Variants in SATL1 observed in about 807,000 individuals in gnomAD.
SATL1 encodes the protein spermidine/spermine N1-acetyl transferase like 1, also known as spermidine/spermine N(1)-acetyltransferase-like protein 1.
A neutral mutation model predicts 51.8 loss-of-function variants in SATL1; 47 were observed. The ratio of observed to expected loss-of-function variants is 0.91; its 90% CI spans 0.72 to 1.16. The LOEUF is 1.16. Among genes scored for constraint, SATL1 ranks in the 50% most tolerant of loss-of-function variants. The pLI, the probability that SATL1 is intolerant of heterozygous loss-of-function variation, is 0.00. For synonymous variants in SATL1, 176 were observed against 182.4 expected, an observed-to-expected ratio of 0.97 and a Z score of 0.28; for missense variants, 520 against 526.4, an observed-to-expected ratio of 0.99 and a Z score of 0.12.
intron 2 of SATL1, among the ~76,000 whole-genome samples, chrX:85,178,624 A>C (rs1248451559): frequency 9.5e-6 from 1 of 105,678 alleles, no homozygotes; most frequent in African/African-American, 3.7e-5. Flanking sequence ...AAAAAAAAAA[A>C]CAAAAACAAA....
rs780420487 is a variant in SATL1 at position 85,102,054 on chromosome X, TA to T, written c.1693+1809del. On this transcript the variant is annotated intron_variant, in intron 4 of 7. Coordinates refer to ENST00000644105, the MANE Select transcript of SATL1 (RefSeq NM_001367857.2). The stretch of plus-strand genomic sequence containing the variant: ...CAATGGGGATTTATTTTTTTTAATT[TA>T]TTTTTTTAATTTTTAAATTTTATTT... 2.6e-3 allele frequency among the ~76,000 whole-genome samples: 252 copies of T among 98,689 alleles called. 1 individual carries two copies. The highest frequency in any genetic ancestry group is 8.8e-3 in the African/African-American group (244 of 27,747). The allele number at this position is 98,689 out of a possible 115,157, so 85.7% of individuals were successfully genotyped here. A position where few individuals can be genotyped will look rare whatever the true frequency, so the allele number is the denominator to read the frequency against.
intron 4 of SATL1, among the ~76,000 whole-genome samples, chrX:85,102,590 C>T (rs58900414): frequency 0.044 from 4,929 of 111,029 alleles, 243 homozygotes; most frequent in African/African-American, 0.14. Flanking sequence ...GAAATTACTG[C>T]AATTTAAATA....
At chrX:85,223,683 G>C (rs756536710) in intron 2 of SATL1, among the ~76,000 whole-genome samples, 1 of 111,080 alleles carries the variant, frequency 9.0e-6, no homozygotes, top group Non-Finnish European at 1.9e-5. Flanking sequence ...GGCCACAAAA[G>C]GTTGCTATGT....
At chrX:85,219,597 T>A (rs1247380018) in intron 2 of SATL1, 1 of 112,305 alleles carries the variant, frequency 8.9e-6, no homozygotes, top group Non-Finnish European at 1.9e-5. Flanking sequence ...TGGCTAAAGC[T>A]AAGGAGTTAC....
At chrX:85,136,181 T>C (rs1423210572) in intron 2 of SATL1, among the ~76,000 whole-genome samples, 1 of 109,816 alleles carries the variant, frequency 9.1e-6, no homozygotes, top group East Asian at 2.9e-4. Context: ...GGAGAAAGAA[T>C]AGATAGGGAG....
intron 2 of SATL1, among the ~76,000 whole-genome samples, chrX:85,114,054 C>T (rs928935455): frequency 8.9e-6 from 1 of 111,889 alleles, no homozygotes; most frequent in African/African-American, 3.3e-5. Flanking sequence ...CTGTTCCAGT[C>T]AAAGATTTGG....
chrX:85,218,220 C>T (rs771251068), intron 2 of SATL1, among the ~76,000 whole-genome samples: 8 of 110,450 alleles, frequency 7.2e-5, no homozygotes, highest in Admixed American at 1.9e-4. Flanking sequence ...CGCTGTAACA[C>T]ACAGTTTACC....
intron 2 of SATL1, among the ~76,000 whole-genome samples, chrX:85,158,785 G>T (rs1049782117): frequency 1.8e-5 from 2 of 111,256 alleles, no homozygotes; most frequent in African/African-American, 6.5e-5. Context: ...GAAGAACACT[G>T]AATAATAATC....
chrX:85,205,567 G>T (rs1927776529), intron 2 of SATL1, among the ~76,000 whole-genome samples: 1 of 111,891 alleles, frequency 8.9e-6, no homozygotes, highest in Non-Finnish European at 1.9e-5. Flanking sequence ...TATATAAAAA[G>T]GGAAACAACT....
intron 2 of SATL1, among the ~76,000 whole-genome samples, chrX:85,129,598 A>T (rs1925722756): frequency 9.0e-6 from 1 of 111,526 alleles, no homozygotes; most frequent in East Asian, 2.8e-4. Context: ...GCAAACAGGG[A>T]CAATTTGACT....
At chrX:85,188,643 C>T (rs1030087661) in intron 2 of SATL1, among the ~76,000 whole-genome samples, 1 of 110,246 alleles carries the variant, frequency 9.1e-6, no homozygotes, top group Admixed American at 9.7e-5. Flanking sequence ...AAGACTTCAT[C>T]TCTCTAAAAA....
intron 2 of SATL1, among the ~76,000 whole-genome samples, chrX:85,117,853 T>A (rs1456109409): frequency 1.8e-5 from 2 of 111,128 alleles, no homozygotes; most frequent in Non-Finnish European, 3.8e-5. Context: ...CTCAAGAATT[T>A]GAATTTTCTT....
At chrX:85,145,816 G>A (rs1926221618) in intron 2 of SATL1, among the ~76,000 whole-genome samples, 1 of 111,294 alleles carries the variant, frequency 9.0e-6, no homozygotes, top group African/African-American at 3.3e-5. Context: ...TCAGTTACCT[G>A]TGGTACCACG....
chrX:85,139,185 G>A (rs1266965817), intron 2 of SATL1, among the ~76,000 whole-genome samples: 2 of 110,695 alleles, frequency 1.8e-5, no homozygotes, highest in Non-Finnish European at 3.8e-5. Flanking sequence ...CTCAACATTT[G>A]GGATAAAGTA....
At position 85,164,716 on chromosome X, in the gene SATL1, G is replaced by A. The variant is rs776451721; in HGVS notation, c.-312-55436C>T. The stretch of plus-strand genomic sequence containing the variant: ...GCTAACCTAATGACTATGTGCCTAG[G>A]TGATGAATTTTTTTTTTTTTTTTTT... On this transcript the variant is annotated intron_variant, in intron 2 of 7. Coordinates refer to ENST00000644105, the MANE Select transcript of SATL1 (RefSeq NM_001367857.2). Among the ~76,000 whole-genome samples, 7 of 104,787 alleles carry A rather than the reference G, an allele frequency of 6.7e-5. No individual in the cohort carries two copies. In the East Asian group the frequency reaches 2.1e-3, roughly 32 times the overall value. 91.0% of individuals were successfully genotyped at this position (104,787 alleles called of 115,157 possible).
chrX:85,176,277 C>T (rs190221960), intron 2 of SATL1, among the ~76,000 whole-genome samples: 6 of 111,399 alleles, frequency 5.4e-5, no homozygotes, highest in South Asian at 3.7e-4. Flanking sequence ...GGCAAGACTG[C>T]GAGGAAAATG....
At chrX:85,109,760 G>A (rs1186111388) in intron 2 of SATL1, among the ~76,000 whole-genome samples, 1 of 111,745 alleles carries the variant, frequency 8.9e-6, no homozygotes, top group Non-Finnish European at 1.9e-5. Flanking sequence ...TGTAATCCCA[G>A]CACTTTGGAA....
At chrX:85,211,276 C>T (rs1352904313) in intron 2 of SATL1, 3 of 111,399 alleles carry the variant, frequency 2.7e-5, no homozygotes, top group African/African-American at 9.8e-5. Flanking sequence ...ATACTCTTAA[C>T]TGGTGTGGCT....
At chrX:85,220,210 C>T (rs746150767) in intron 2 of SATL1, among the ~76,000 whole-genome samples, 1 of 110,100 alleles carries the variant, frequency 9.1e-6, no homozygotes, top group Non-Finnish European at 1.9e-5. Context: ...GCATTTAAAC[C>T]AGTCCTAGCC....
Sources: gnomAD v4.1 joint callset for allele counts (sites outside exome capture counted in the v4.1 genomes callset) on GRCh38, gnomAD v4.1.1 for gene constraint, MANE v1.5 for transcripts, NCBI Gene and HGNC (gene_info 2026-07-23, HGNC 2026-07-21) for gene names.